The following GARS1 variants were observed in gnomAD, a reference collection of about 807,000 sequenced individuals.
The protein encoded by GARS1 is glycine--tRNA ligase.
A neutral mutation model predicts 86.4 loss-of-function variants in GARS1; 46 were observed. The ratio of observed to expected loss-of-function variants is 0.53; its 90% CI spans 0.42 to 0.68. GARS1 has a LOEUF of 0.68. Among genes scored for constraint, GARS1 ranks in the 30% least tolerant of loss-of-function variants. The probability of loss-of-function intolerance (pLI) is 0.00; values close to 1 mark genes in which losing one functional copy is unlikely to be tolerated. For synonymous variants in GARS1, 342 were observed against 329.8 expected (o/e 1.04, Z -0.40); for missense variants, 797 against 915.6 (o/e 0.87, Z 1.67).
At chr7:30,628,479 C>A in intron 13 of GARS1, 81 bp from the exon 14 acceptor site, 2 of 1,055,234 alleles carry the variant, frequency 1.9e-6, no homozygotes, top group Non-Finnish European at 2.9e-6. Context: ...GCCACCGCAG[C>A]TGGTGAATTG....
In GARS1 at chr7:30,621,487, C is replaced by G. The variant is rs1159290036; in HGVS notation, c.1454C>G (p.Pro485Arg). Reference sequence around the variant, plus strand: ...AAAGTCCCACTTGTAGCTGAGAAACCTCTGAAAGAACCCATATCCTTTCTG... The same window carrying G: ...AAAGTCCCACTTGTAGCTGAGAAACGTCTGAAAGAACCCATATCCTTTCTG... ...ATKVPLVAEK[P>R]LKEPKTVNVV... Residue 485 changes from proline to arginine, a missense_variant, in exon 11 of 17, where the codon CCT becomes CGT. This residue lies in a region of GARS1 where 598 missense variants were observed against 738.7 expected (regional missense o/e 0.81). Transcript: ENST00000389266. The G allele has an allele frequency of 3.7e-6, 6 of 1,613,864 alleles. No homozygotes were observed. Among genetic ancestry groups the G allele is most frequent in the Non-Finnish European group, 5.1e-6 (6 of 1,179,752 alleles).
chr7:30,619,768 CT>C (rs1432739282), intron 10 of GARS1, among the ~76,000 whole-genome samples: 1,474 of 138,912 alleles, frequency 0.011, 13 homozygotes, highest in Non-Finnish European at 0.015. Context: ...GTAGTTTTTT[CT>C]TTTTTTCTTT....
intron 7 of GARS1, among the ~76,000 whole-genome samples, chr7:30,611,612 G>A (rs1318329027): frequency 6.6e-6 from 1 of 152,178 alleles, no homozygotes; most frequent in Non-Finnish European, 1.5e-5. Flanking sequence ...AGCCTCCTGA[G>A]TAGCTGGGAT....
intron 10 of GARS1, among the ~76,000 whole-genome samples, chr7:30,618,451 T>A (rs765373796): frequency 6.6e-6 from 1 of 152,062 alleles, no homozygotes; most frequent in Non-Finnish European, 1.5e-5. Flanking sequence ...CTGGGCAACA[T>A]AGCAAGACCC....
intron 10 of GARS1, among the ~76,000 whole-genome samples, chr7:30,617,963 T>C (rs1782922294): frequency 6.6e-6 from 1 of 152,204 alleles, no homozygotes; most frequent in South Asian, 2.1e-4. Flanking sequence ...TTATTGGGTG[T>C]TAGAGAGGCT....
At chr7:30,619,776 C>CTTTTTTTTTTTTTTTTTTTTTT (rs61613428) in intron 10 of GARS1, among the ~76,000 whole-genome samples, 1 of 124,278 alleles carries the variant, frequency 8.0e-6, no homozygotes, top group Non-Finnish European at 1.7e-5. Context: ...TTCTTTTTTT[C>CTTTTTTTTTTTTTTTTTTTTTT]TTTTTTTTTT....
At position 30,632,653 on chromosome 7, in the gene GARS1, T is replaced by G. The variant is rs1469108368; in HGVS notation, c.2094+216T>G. Among the ~76,000 whole-genome samples, 1 of 152,250 alleles carries G rather than the reference T, an allele frequency of 6.6e-6. No homozygotes were observed. Among genetic ancestry groups the G allele is most frequent in the East Asian group, 1.9e-4 (1 of 5,200 alleles). ...TTCTCTAATATTTTATAAACATTTG[T>G]GTTGCTCCAGGCTTATTCTCCAGCA... On this transcript the variant is annotated intron_variant, in intron 16 of 16. Coordinates refer to ENST00000389266, the MANE Select transcript of GARS1 (RefSeq NM_002047.4). The surrounding 1 kb of genome is among the most constrained non-coding windows in gnomAD (Gnocchi z 4.1).
chr7:30,618,086 A>G (rs1189403043), intron 10 of GARS1, among the ~76,000 whole-genome samples: 1 of 152,216 alleles, frequency 6.6e-6, no homozygotes, highest in African/African-American at 2.4e-5. Flanking sequence ...TTAAAAATTA[A>G]AAATCAAAAT....
rs1791552356 is a variant in GARS1, at chr7:30,609,518, A to G, written c.736-67A>G. 10 of 1,378,264 alleles carry G rather than the reference A, an allele frequency of 7.3e-6. No homozygotes were observed. The South Asian group carries it at 1.2e-4, about 16-fold the overall frequency. 85.4% of individuals were successfully genotyped at this position (1,378,264 alleles called of 1,614,324 possible). On this transcript the variant is annotated intron_variant, in intron 6 of 16. Coordinates refer to ENST00000389266, the MANE Select transcript of GARS1 (RefSeq NM_002047.4). ...TAGCAGTGGATGGCTAGGGTTATAT[A>G]TAATACTTTATATCTTATGCCTTGT...
At chr7:30,611,975 T>C in intron 7 of GARS1, 121 bp from the exon 8 acceptor site, 1 of 876,820 alleles carries the variant, frequency 1.1e-6, no homozygotes, top group Non-Finnish European at 1.9e-6. Flanking sequence ...TTTTAGGGCC[T>C]GTTCAACTTT....
In GARS1 at chr7:30,602,621, C is replaced by T. The variant is rs866203555; in HGVS notation, c.570-413C>T. Among the ~76,000 whole-genome samples, 48 of 152,322 alleles carry T rather than the reference C, an allele frequency of 3.2e-4. 1 individual carries two copies. The highest frequency in any genetic ancestry group is 1.1e-3 in the African/African-American group (47 of 41,570). ...GTACAGGTTTCAGTGGCAGAAAACACTTCCCTTAAGGTTCAATGTCTATAC... is the reference window on the plus strand; with the variant it reads ...GTACAGGTTTCAGTGGCAGAAAACATTTCCCTTAAGGTTCAATGTCTATAC... On this transcript the variant is annotated intron_variant, in intron 4 of 16. Coordinates refer to ENST00000389266, the MANE Select transcript of GARS1 (RefSeq NM_002047.4).
At position 30,615,974 on chromosome 7, in the gene GARS1, C is replaced by T. The variant is rs1203629349; in HGVS notation, c.1110C>T (p.Asp370=). Residue 370 remains aspartate (D), a synonymous_variant, in exon 9 of 17, where the codon GAC becomes GAT. Transcript: ENST00000389266. ...KDHPKFQNVA[D]LHLYLYSAKA... ...ACCCCAAGTTCCAGAATGTGGCAGA[C>T]CTTCACCTTTATTTGTATTCAGCAA... is the stretch of plus-strand genomic sequence containing the variant. The T allele has an allele frequency of 6.2e-7, 1 of 1,614,178 alleles. No individual in the cohort carries two copies. The highest frequency in any genetic ancestry group is 8.5e-7 in the Non-Finnish European group (1 of 1,180,012).
chr7:30,599,880 T>G, intron 2 of GARS1, 67 bp from the exon 3 acceptor site: 3 of 1,003,342 alleles, frequency 3.0e-6, no homozygotes, highest in Non-Finnish European at 4.6e-6. Flanking sequence ...TAAACTAAAT[T>G]CAGATATATA....
At chr7:30,601,888 C>T (rs1021416534) in intron 4 of GARS1, among the ~76,000 whole-genome samples, 12 of 152,004 alleles carry the variant, frequency 7.9e-5, no homozygotes, top group African/African-American at 2.9e-4. Flanking sequence ...ACGCCATTCT[C>T]CTGCCTCAGC....
intron 6 of GARS1, among the ~76,000 whole-genome samples, chr7:30,604,656 G>A (rs149281972): frequency 2.2e-4 from 34 of 152,080 alleles, no homozygotes; most frequent in African/African-American, 7.2e-4. Context: ...TTTGATACTT[G>A]TGGAGTGTAA....
intron 1 of GARS1, among the ~76,000 whole-genome samples, chr7:30,596,691 A>G (rs1791254477): frequency 6.6e-6 from 1 of 152,212 alleles, no homozygotes; most frequent in African/African-American, 2.4e-5. Context: ...ATATTTTCCG[A>G]ATATACGAGT....
chr7:30,615,239 A>G lies in GARS1; in HGVS notation c.1032-657A>G, dbSNP rs17159279. ...CCAAAGAAACCAACTGTATGATGCC[A>G]TTATCAGTCATTTACTTTTTTGTAG... On this transcript the variant is annotated intron_variant, in intron 8 of 16. Coordinates refer to ENST00000389266, the MANE Select transcript of GARS1 (RefSeq NM_002047.4). Among the ~76,000 whole-genome samples the G allele has an allele frequency of 7.9e-3, 1,202 of 152,348 alleles. 16 individuals are homozygous for G. The highest frequency in any genetic ancestry group is 0.027 in the African/African-American group (1,125 of 41,586).
chr7:30,596,358 A>G (rs564110500), intron 1 of GARS1, among the ~76,000 whole-genome samples: 5 of 152,278 alleles, frequency 3.3e-5, no homozygotes, highest in African/African-American at 7.2e-5. Flanking sequence ...CACCGATTGC[A>G]TATTCTGTCT....
intron 8 of GARS1, among the ~76,000 whole-genome samples, chr7:30,614,899 C>T (rs996621606): frequency 1.3e-5 from 2 of 151,718 alleles, no homozygotes; most frequent in Non-Finnish European, 2.9e-5. Flanking sequence ...AATTAAACCT[C>T]TTTTGCAGTG....
Sources: allele counts gnomAD v4.1 joint callset (sites outside exome capture counted in the v4.1 genomes callset), GRCh38; gene constraint gnomAD v4.1.1; regional missense constraint gnomAD v4.1.1; non-coding constraint Gnocchi (gnomAD v3.1); transcripts MANE v1.5; gene names NCBI Gene and HGNC (gene_info 2026-07-23, HGNC 2026-07-21).